The following MIS18A variants were observed in gnomAD, a reference collection of about 807,000 sequenced individuals.
MIS18A encodes MIS18 kinetochore protein A.
In MIS18A, 14 loss-of-function variants were observed where a neutral mutation model predicts 25.0. The ratio of observed to expected loss-of-function variants is 0.56; its 90% confidence interval spans 0.37 to 0.88. The LOEUF (loss-of-function observed/expected upper bound fraction) is 0.88, where lower values mean the gene tolerates loss of function less well. Among genes scored for constraint, MIS18A ranks in the 40% least tolerant of loss-of-function variants. The pLI is 0.00. For missense variants in MIS18A, 292 were observed against 290.8 expected (o/e 1.00, Z -0.03); for synonymous variants, 134 against 118.6 (o/e 1.13, Z -0.84).
chr21:32,265,573 C>G (rs996468916), downstream of MIS18A, among the ~76,000 whole-genome samples: 3 of 152,238 alleles, frequency 2.0e-5, no homozygotes, highest in African/African-American at 7.2e-5. Flanking sequence ...TCCCGCGGGG[C>G]AGGGCTCAGG....
chr21:32,276,362 G>A (rs2031808595), intron 1 of MIS18A, among the ~76,000 whole-genome samples: 1 of 150,174 alleles, frequency 6.7e-6, no homozygotes, highest in Non-Finnish European at 1.5e-5. Context: ...TCAGGAGGCT[G>A]AGGCAGGAGA....
chr21:32,240,816 C>CA, the MIS18A span, among the ~76,000 whole-genome samples: 152,322 of 152,322 alleles, frequency 1, 76,161 homozygotes, highest in Non-Finnish European at 1. Flanking sequence ...TTAGTCCAGC[C>CA]TCCCTTCTCA....
the MIS18A span, among the ~76,000 whole-genome samples, chr21:32,201,900 T>A: frequency 2.0e-5 from 3 of 152,162 alleles, no homozygotes; most frequent in Non-Finnish European, 4.4e-5. Context: ...TTGCGTTACC[T>A]TTCTTAAATA....
chr21:32,155,096 C>G, the MIS18A span, among the ~76,000 whole-genome samples: 2 of 152,080 alleles, frequency 1.3e-5, no homozygotes, highest in Admixed American at 1.3e-4. Flanking sequence ...GAGTATTATA[C>G]CCAGGAAGCT....
At chr21:32,169,136 T>C in the MIS18A span, among the ~76,000 whole-genome samples, 1 of 152,036 alleles carries the variant, frequency 6.6e-6, no homozygotes, top group East Asian at 1.9e-4. Context: ...TTTTTTAACT[T>C]GCCCTGGTCC....
In MIS18A at chr21:32,271,587, G is replaced by A. The variant is rs377759342; in HGVS notation, c.402-1058C>T. On this transcript the variant is annotated intron_variant, in intron 2 of 4. Coordinates refer to ENST00000290130, the MANE Select transcript of MIS18A (RefSeq NM_018944.3). ...TAGTATGCCACTGATTACATATTAA[G>A]TGTCTACGGGCTTTTATAAGCTTCT... 4.6e-5 allele frequency among the ~76,000 whole-genome samples: 7 copies of A among 152,308 alleles called. No homozygotes were observed. In the South Asian group the frequency reaches 1.2e-3, roughly 27 times the overall value.
At chr21:32,254,864 C>T in the MIS18A span, among the ~76,000 whole-genome samples, 1 of 152,068 alleles carries the variant, frequency 6.6e-6, no homozygotes, top group Non-Finnish European at 1.5e-5. Flanking sequence ...ACTAGATGTT[C>T]AAAACTACAT....
the MIS18A span, among the ~76,000 whole-genome samples, chr21:32,191,319 G>A: frequency 2.0e-5 from 3 of 152,340 alleles, no homozygotes; most frequent in African/African-American, 7.2e-5. Flanking sequence ...GCTGGGCATG[G>A]TGGCTCACAC....
At chr21:32,227,089 A>G in the MIS18A span, among the ~76,000 whole-genome samples, 1 of 152,126 alleles carries the variant, frequency 6.6e-6, no homozygotes. Context: ...AGGGAAATTT[A>G]TAGTTGTAAG....
chr21:32,195,621 T>C, the MIS18A span, among the ~76,000 whole-genome samples: 10 of 152,338 alleles, frequency 6.6e-5, no homozygotes, highest in South Asian at 2.1e-3. Flanking sequence ...AGATCCTCTC[T>C]TTGCACAGGG....
chr21:32,261,757 C>T, the MIS18A span, among the ~76,000 whole-genome samples: 4 of 152,154 alleles, frequency 2.6e-5, no homozygotes, highest in African/African-American at 4.8e-5. Context: ...AGGTGGCACA[C>T]GACACAGCCA....
the MIS18A span, among the ~76,000 whole-genome samples, chr21:32,161,036 T>C: frequency 6.6e-6 from 1 of 152,190 alleles, no homozygotes; most frequent in South Asian, 2.1e-4. Context: ...AGGAGGCAGG[T>C]TTGCCCTAAG....
At chr21:32,223,358 T>C in the MIS18A span, among the ~76,000 whole-genome samples, 2 of 151,190 alleles carry the variant, frequency 1.3e-5, no homozygotes, top group African/African-American at 2.4e-5. Flanking sequence ...TCTGAAAAGA[T>C]TAACAAAATA....
At chr21:32,211,355 A>G in the MIS18A span, among the ~76,000 whole-genome samples, 1 of 152,178 alleles carries the variant, frequency 6.6e-6, no homozygotes, top group Non-Finnish European at 1.5e-5. Context: ...AGGATTATTA[A>G]TTGGAGAAAG....
At chr21:32,194,976 C>T in the MIS18A span, among the ~76,000 whole-genome samples, 1 of 152,100 alleles carries the variant, frequency 6.6e-6, no homozygotes, top group African/African-American at 2.4e-5. Context: ...CGCTAAAAGC[C>T]CAGGCCTCTC....
At chr21:32,261,778 C>T in the MIS18A span, among the ~76,000 whole-genome samples, 4 of 152,140 alleles carry the variant, frequency 2.6e-5, no homozygotes, top group Non-Finnish European at 4.4e-5. Context: ...AGAAGACACA[C>T]GGAGAGGTGA....
the MIS18A span, among the ~76,000 whole-genome samples, chr21:32,219,320 C>T: frequency 2.0e-5 from 3 of 152,086 alleles, no homozygotes. Flanking sequence ...GTGCAGCCCA[C>T]AGAGGGTGAG....
chr21:32,235,135 CCCT>C, the MIS18A span, among the ~76,000 whole-genome samples: 1 of 152,254 alleles, frequency 6.6e-6, no homozygotes, highest in East Asian at 1.9e-4. Flanking sequence ...GCTCCCAGGT[CCCT>C]TTTATCACTA....
At chr21:32,266,231 C>T (rs1056347124), downstream of MIS18A, among the ~76,000 whole-genome samples, 3 of 152,160 alleles carry the variant, frequency 2.0e-5, no homozygotes, top group Non-Finnish European at 4.4e-5. Context: ...TGTGGAAACT[C>T]TGTATCTAAC....
Sources: allele counts gnomAD v4.1 joint callset (sites outside exome capture counted in the v4.1 genomes callset), GRCh38; gene constraint gnomAD v4.1.1; transcripts MANE v1.5; gene names NCBI Gene and HGNC (gene_info 2026-07-23, HGNC 2026-07-21).